The following ATXN7L3 variants were observed in gnomAD, a reference collection of about 807,000 sequenced individuals.
ATXN7L3 encodes ataxin 7 like 3.
In ATXN7L3, 6 loss-of-function variants were observed where a neutral mutation model predicts 50.0. That is an observed-to-expected ratio of 0.12 (90% CI 0.07 to 0.24). The LOEUF (loss-of-function observed/expected upper bound fraction) is 0.24, where lower values mean the gene tolerates loss of function less well. Among genes scored for constraint, ATXN7L3 ranks in the 10% least tolerant of loss-of-function variants. ATXN7L3 has a pLI of 1.00. For missense variants in ATXN7L3, 322 were observed against 451.3 expected (o/e 0.71, Z 2.60); for synonymous variants, 198 against 165.8 (o/e 1.19, Z -1.49).
chr17:44,196,245 A>AGCCCCCCCC, intron 6 of ATXN7L3, 151 bp downstream of exon 6: 1 of 169,656 alleles, frequency 5.9e-6, no homozygotes, highest in Non-Finnish European at 9.8e-6. Context: ...CCCCTTCCCC[A>AGCCCCCCCC]CCCACACTCC....
chr17:44,195,469 T>C lies in ATXN7L3; in HGVS notation c.571A>G (p.Ile191Val). Reference sequence around the variant, plus strand: ...TCCGGCCCCAGGGTCTCATAGCTGATCCCAGTTGAATTGTTATACTGCAGG... The same window carrying C: ...TCCGGCCCCAGGGTCTCATAGCTGACCCCAGTTGAATTGTTATACTGCAGG... Reference protein sequence around the residue: ...DPFKYNNSTGISYETLGPEEL... With the variant: ...DPFKYNNSTGVSYETLGPEEL... The change falls in exon 9 of 13, where the codon ATC (isoleucine) becomes GTC (valine). Residue 191 changes from isoleucine to valine, a missense_variant. Around this residue, in one of 5 missense-constraint regions of ATXN7L3, gnomAD observed 95 missense variants for 98.1 expected, o/e 0.97. Coordinates refer to ENST00000587097, the MANE Select transcript of ATXN7L3 (RefSeq NM_001382309.1). 6.2e-7 allele frequency: 1 copy of C among 1,614,034 alleles called. No homozygotes were observed. The highest frequency in any genetic ancestry group is 8.5e-7 in the Non-Finnish European group (1 of 1,179,970).
intron 6 of ATXN7L3, 84 bp from the exon 7 acceptor site, chr17:44,196,163 A>G (rs1380071736): frequency 6.7e-7 from 1 of 1,485,646 alleles, no homozygotes; most frequent in Non-Finnish European, 9.4e-7. Context: ...AAGATTTGAC[A>G]AAGCAGCATC....
At chr17:44,199,447 C>T (rs2056063786) in intron 1 of ATXN7L3, 49 bp downstream of exon 1, 1 of 144,620 alleles carries the variant, frequency 6.9e-6, no homozygotes, top group Non-Finnish European at 1.5e-5. Context: ...CCCCCCGCCC[C>T]CCACAGGCCC....
Position 44,197,734 on chromosome 17 carries a change from G to A in ATXN7L3, c.52-4C>T. 6.2e-7 allele frequency: 1 copy of A among 1,614,242 alleles called. No homozygotes were observed. On this transcript the variant is annotated splice_polypyrimidine_tract_variant and splice_region_variant and intron_variant, in intron 2 of 12. Transcript: ENST00000587097. ...CGTATATCTCCTGAGCGATGGCCTG[G>A]GCCCCAGGGGAGAACATCTACGGTC...
intron 2 of ATXN7L3, 131 bp from the exon 3 acceptor site, chr17:44,197,861 G>A (rs566825552): frequency 1.6e-5 from 24 of 1,528,658 alleles, no homozygotes; most frequent in Non-Finnish European, 1.8e-5. Context: ...TCTTGACTTC[G>A]TGTTCTTTCT....
intron 1 of ATXN7L3, chr17:44,199,100 CGCCGGGCCGGG>C (rs1468196676): frequency 6.6e-6 from 1 of 151,754 alleles, no homozygotes; most frequent in East Asian, 2.0e-4. Context: ...CCGGGGCCGG[CGCCGGGCCGGG>C]ACAGACCGAC....
At chr17:44,197,432 G>A (rs1374251963) in intron 3 of ATXN7L3, 33 bp from the exon 4 acceptor site, 2 of 1,577,458 alleles carry the variant, frequency 1.3e-6, no homozygotes, top group Admixed American at 1.7e-5. Flanking sequence ...ATCAGGGTGG[G>A]CAGGACCCTC....
rs745422085 is a variant in ATXN7L3 at position 44,197,044 on chromosome 17, G to C, written c.357-18C>G. ...TGGCAATCCTGCCAAGGGGAGGGAA[G>C]AGAAAGGGGCCAAGGGGAAGGAAGA... On this transcript the variant is annotated intron_variant, in intron 4 of 12. Coordinates refer to ENST00000587097, the MANE Select transcript of ATXN7L3 (RefSeq NM_001382309.1). 1 of 1,595,844 alleles carries C rather than the reference G, an allele frequency of 6.3e-7. No homozygotes were observed.
intron 5 of ATXN7L3, 23 bp from the exon 6 acceptor site, chr17:44,196,441 G>C (rs1415168722): frequency 1.2e-6 from 2 of 1,613,988 alleles, no homozygotes; most frequent in Admixed American, 1.7e-5. Context: ...AAAGCATAAA[G>C]AGCAGGGTTT....
rs567366636 is a variant in ATXN7L3 at position 44,197,138 on chromosome 17, G to A, written c.356+90C>T. On this transcript the variant is annotated intron_variant, in intron 4 of 12. Coordinates refer to ENST00000587097, the MANE Select transcript of ATXN7L3 (RefSeq NM_001382309.1). ...AAGCAGGTGGAGCATCTGGGGCCAA[G>A]TAAAACCCACCCTCTGTACCTTCCC... 5.1e-6 allele frequency: 8 copies of A among 1,565,512 alleles called. No homozygotes were observed. In the African/African-American group the frequency reaches 6.8e-5, roughly 13 times the overall value.
intron 9 of ATXN7L3, 118 bp from the exon 10 acceptor site, chr17:44,195,258 G>A: frequency 7.3e-7 from 1 of 1,363,184 alleles, no homozygotes; most frequent in South Asian, 1.2e-5. Flanking sequence ...GGTGTCCAGA[G>A]CAGATGGTCC....
chr17:44,197,533 G>A (rs1354192707), intron 3 of ATXN7L3, 65 bp downstream of exon 3: 2 of 1,609,522 alleles, frequency 1.2e-6, no homozygotes, highest in Non-Finnish European at 8.5e-7. Context: ...ACAGTTTCCA[G>A]AGAAGGAAAC....
rs753688320 is a variant in ATXN7L3 at position 44,195,804 on chromosome 17, A to T, written c.548T>A (p.Phe183Tyr). Residue 183 changes from phenylalanine to tyrosine, a missense_variant, in exon 8 of 13, where the codon TTT becomes TAT. Physicochemically the swap from Phe to Tyr is conservative, Grantham distance 22. Coordinates refer to ENST00000587097, the MANE Select transcript of ATXN7L3 (RefSeq NM_001382309.1). ...KNGELSNSDP[F>Y]KYNNSTGISY... ...TGAGGGGCGGCCCATACTCACCTTA[A>T]AAGGATCCGAATTGCTAAGTTCCCC... is the stretch of plus-strand genomic sequence containing the variant. The T allele has an allele frequency of 9.3e-6, 15 of 1,610,862 alleles. No homozygotes were observed. The highest frequency in any genetic ancestry group is 1.3e-5 in the Non-Finnish European group (15 of 1,177,502).
intron 1 of ATXN7L3, 52 bp downstream of exon 1, chr17:44,199,444 C>A (rs1375433124): frequency 6.9e-6 from 1 of 144,462 alleles, no homozygotes; most frequent in Non-Finnish European, 1.5e-5. Context: ...CCGCCCCCCG[C>A]CCCCCACAGG....
rs2056073813 is a variant in ATXN7L3 at position 44,199,659 on chromosome 17, G to C, written c.-224C>G. 1 of 137,644 alleles carries C rather than the reference G, an allele frequency of 7.3e-6. No homozygotes were observed. Among genetic ancestry groups the C allele is most frequent in the African/African-American group, 2.7e-5 (1 of 37,056 alleles). The allele number at this position is 137,644 out of a possible 1,614,324, so 8.5% of individuals were successfully genotyped here. Reference sequence around the variant, plus strand: ...GGGGGGTCGGGCCGCCCCCCCGCCTGGCCGCCTCACCGGGCGGCCATGGCC... The same window carrying C: ...GGGGGGTCGGGCCGCCCCCCCGCCTCGCCGCCTCACCGGGCGGCCATGGCC... On this transcript the variant is annotated 5_prime_UTR_variant, in exon 1 of 13. Coordinates refer to ENST00000587097, the MANE Select transcript of ATXN7L3 (RefSeq NM_001382309.1).
At position 44,197,639 on chromosome 17, in the gene ATXN7L3, A is replaced by T. The variant is rs760490063; in HGVS notation, c.143T>A (p.Phe48Tyr). The T allele has an allele frequency of 1.9e-5, 30 of 1,614,258 alleles. No homozygotes were observed. Among genetic ancestry groups the T allele is most frequent in the African/African-American group, 5.3e-5 (4 of 75,070 alleles). ...EVHRAVKCGY[F>Y]FLDDTDPDSM... is the part of the protein sequence containing the mutation. The stretch of plus-strand genomic sequence containing the variant: ...ATCAGGGTCCGTGTCGTCCAAGAAG[A>T]AGTAGCCACACTTGACAGCCCGGTG... The change falls in exon 3 of 13, where the codon TTC (phenylalanine) becomes TAC (tyrosine). Residue 48 changes from phenylalanine to tyrosine, a missense_variant. Transcript: ENST00000587097.
In ATXN7L3 at chr17:44,195,503, A is replaced by G; in HGVS notation, c.553-16T>C. 1.2e-6 allele frequency: 2 copies of G among 1,610,922 alleles called. No homozygotes were observed. The highest frequency in any genetic ancestry group is 1.7e-6 in the Non-Finnish European group (2 of 1,177,168). On this transcript the variant is annotated splice_polypyrimidine_tract_variant and intron_variant, in intron 8 of 12. Transcript: ENST00000587097. The stretch of plus-strand genomic sequence containing the variant: ...AATTGTTATACTGCAGGACAACCAG[A>G]GGTACAGGTTAGAGATGGGGCAGAG...
rs1216972922 is a variant in ATXN7L3 at position 44,194,305 on chromosome 17, T to C, written c.1002A>G (p.Pro334=). 6.2e-7 allele frequency: 1 copy of C among 1,614,076 alleles called. No individual in the cohort carries two copies. The highest frequency in any genetic ancestry group is 1.3e-5 in the African/African-American group (1 of 74,924). The stretch of plus-strand genomic sequence containing the variant: ...AGATGCTGGGCGTCGGGGGTGCCGG[T>C]GGCTTTGGCTTCTTCTTCTTGTTGG... The part of the protein sequence containing the change: ...LGSNKKKKPK[P]PAPPTPSIYD... The change falls in exon 13 of 13, where the codon CCA becomes CCG. Residue 334 remains proline (P), a synonymous_variant. Transcript: ENST00000587097.
intron 5 of ATXN7L3, among the ~76,000 whole-genome samples, chr17:44,196,650 C>T (rs1419409605): frequency 5.9e-5 from 9 of 151,590 alleles, no homozygotes; most frequent in East Asian, 3.9e-4. Context: ...TGGTAGCACG[C>T]GACTGTAATC....
Sources: gnomAD v4.1 joint callset for allele counts (sites outside exome capture counted in the v4.1 genomes callset) on GRCh38, gnomAD v4.1.1 for gene constraint, gnomAD v4.1.1 regional missense constraint, MANE v1.5 for transcripts, NCBI Gene and HGNC (gene_info 2026-07-23, HGNC 2026-07-21) for gene names.